Variants in TMEM117 observed in about 807,000 individuals in gnomAD.
The protein encoded by TMEM117 is transmembrane protein 117.
In TMEM117, 27 loss-of-function variants were observed where a neutral mutation model predicts 52.4. That is an observed-to-expected ratio of 0.51 (90% CI 0.38 to 0.71). The LOEUF (loss-of-function observed/expected upper bound fraction) is 0.71. Among genes scored for constraint, TMEM117 ranks in the 30% least tolerant of loss-of-function variants. The pLI, the probability that TMEM117 is intolerant of heterozygous loss-of-function variation, is 0.00. For synonymous variants in TMEM117, 215 were observed against 206.3 expected (o/e 1.04, Z -0.36); for missense variants, 556 against 630.5 (o/e 0.88, Z 1.26).
At chr12:44,189,489 T>G (rs1176609432) in intron 4 of TMEM117, among the ~76,000 whole-genome samples, 1 of 152,194 alleles carries the variant, frequency 6.6e-6, no homozygotes, top group South Asian at 2.1e-4. Context: ...GTATTTACCT[T>G]AGGCTCATGT....
chr12:44,393,935 A>G (rs1367985879), downstream of TMEM117, among the ~76,000 whole-genome samples: 1 of 152,118 alleles, frequency 6.6e-6, no homozygotes, highest in Non-Finnish European at 1.5e-5. Context: ...TTCTTTTGTC[A>G]TTTCACTTTC....
intron 6 of TMEM117, among the ~76,000 whole-genome samples, chr12:44,315,869 T>A (rs992435968): frequency 6.6e-6 from 1 of 152,188 alleles, no homozygotes; most frequent in African/African-American, 2.4e-5. Context: ...GATATAAAAA[T>A]AGCAATGATA....
intron 3 of TMEM117, among the ~76,000 whole-genome samples, chr12:44,007,233 A>G (rs1416348574): frequency 1.3e-5 from 2 of 152,192 alleles, no homozygotes; most frequent in East Asian, 3.8e-4. Context: ...ACAGATTGTC[A>G]GATTAAGAAT....
intron 6 of TMEM117, among the ~76,000 whole-genome samples, chr12:44,366,739 A>G (rs1951794897): frequency 6.6e-6 from 1 of 152,134 alleles, no homozygotes; most frequent in Non-Finnish European, 1.5e-5. Context: ...AGTCTTTACT[A>G]AAAAAGATGA....
chr12:43,869,294 G>T lies in TMEM117; in HGVS notation c.277+24366G>T, dbSNP rs144013051. ...TGCCATCCTTCTCTTAAGCAAAAGGGAGAGTCAAGGCTTCACTTATTTATT... is the reference window on the plus strand; with the variant it reads ...TGCCATCCTTCTCTTAAGCAAAAGGTAGAGTCAAGGCTTCACTTATTTATT... On this transcript the variant is annotated intron_variant, in intron 2 of 7. Transcript: ENST00000266534. Among the ~76,000 whole-genome samples, 155 of 152,236 alleles carry T rather than the reference G, an allele frequency of 1.0e-3. 1 individual carries two copies. The highest frequency in any genetic ancestry group is 2.7e-3 in the African/African-American group (112 of 41,556).
intron 2 of TMEM117, among the ~76,000 whole-genome samples, chr12:43,884,133 CAA>C (rs758603064): frequency 2.2e-4 from 15 of 69,608 alleles, no homozygotes; most frequent in Admixed American, 3.3e-4. Flanking sequence ...GATACCATCT[CAA>C]AAAAAAAAAA....
At chr12:44,045,320 G>A (rs781569350) in intron 3 of TMEM117, among the ~76,000 whole-genome samples, 5 of 152,146 alleles carry the variant, frequency 3.3e-5, no homozygotes, top group African/African-American at 4.8e-5. Context: ...ACCATTCTTC[G>A]GGGTGATCAG....
At chr12:44,025,593 A>G (rs757212402) in intron 3 of TMEM117, among the ~76,000 whole-genome samples, 22 of 152,186 alleles carry the variant, frequency 1.4e-4, no homozygotes, top group Non-Finnish European at 2.6e-4. Flanking sequence ...GTTTAGGAAC[A>G]TGTAGTAATG....
At chr12:44,310,507 A>G (rs753228180) in intron 6 of TMEM117, among the ~76,000 whole-genome samples, 3 of 152,228 alleles carry the variant, frequency 2.0e-5, no homozygotes, top group Non-Finnish European at 4.4e-5. Context: ...GTGTGGTGGC[A>G]TATGCCTATA....
intron 2 of TMEM117, among the ~76,000 whole-genome samples, chr12:43,930,105 C>T (rs1204529143): frequency 6.6e-6 from 1 of 152,118 alleles, no homozygotes. Context: ...TTTGTCCTTA[C>T]TCCTATGATA....
At chr12:43,913,495 C>G (rs562042308) in intron 2 of TMEM117, among the ~76,000 whole-genome samples, 1 of 152,252 alleles carries the variant, frequency 6.6e-6, no homozygotes, top group East Asian at 1.9e-4. Context: ...AGGGAACTAA[C>G]AGAGAGGGAC....
chr12:44,040,066 T>C (rs959690942), intron 3 of TMEM117, among the ~76,000 whole-genome samples: 12 of 152,190 alleles, frequency 7.9e-5, no homozygotes, highest in Admixed American at 7.2e-4. Context: ...GTAGATTTGC[T>C]GATTTCCATG....
intron 3 of TMEM117, among the ~76,000 whole-genome samples, chr12:44,012,951 G>T (rs1308935285): frequency 6.6e-6 from 1 of 152,072 alleles, no homozygotes; most frequent in Non-Finnish European, 1.5e-5. Context: ...CAGTGGTAGG[G>T]TGTGGGGGGA....
At chr12:44,110,246 T>C (rs1948035370) in intron 3 of TMEM117, among the ~76,000 whole-genome samples, 2 of 150,194 alleles carry the variant, frequency 1.3e-5, no homozygotes, top group Admixed American at 1.3e-4. Context: ...AACACTATGT[T>C]GAATAGGAGC....
intron 2 of TMEM117, among the ~76,000 whole-genome samples, chr12:43,884,902 A>G (rs757053609): frequency 6.6e-6 from 1 of 152,128 alleles, no homozygotes; most frequent in African/African-American, 2.4e-5. Flanking sequence ...CACAAGCACC[A>G]TCCTATAAAA....
chr12:43,881,749 A>G (rs905523556), intron 2 of TMEM117, among the ~76,000 whole-genome samples: 2 of 118,314 alleles, frequency 1.7e-5, no homozygotes, highest in African/African-American at 6.3e-5. Context: ...AGATGGCCCC[A>G]TTGCACTCCA....
chr12:44,385,281 A>G (rs1952073564), intron 7 of TMEM117, among the ~76,000 whole-genome samples: 1 of 152,212 alleles, frequency 6.6e-6, no homozygotes, highest in Non-Finnish European at 1.5e-5. Context: ...TCTCCACCCC[A>G]TCTAAATGTT....
Position 44,388,303 on chromosome 12 carries a change from C to G in TMEM117, c.1176C>G (p.Val392=), listed in dbSNP as rs1242416234. The change falls in exon 8 of 8, where the codon GTC becomes GTG. Residue 392 remains valine (V), a synonymous_variant. Coordinates refer to ENST00000266534, the MANE Select transcript of TMEM117 (RefSeq NM_032256.3). ...GGTTCATAGGAGCCAGTCTTGATGTCAAGTGTCTGGCCTTTGTTCCAAGCC... is the reference window on the plus strand; with the variant it reads ...GGTTCATAGGAGCCAGTCTTGATGTGAAGTGTCTGGCCTTTGTTCCAAGCC... ...HSRFIGASLD[V]KCLAFVPSLI... 3.1e-6 allele frequency: 5 copies of G among 1,613,550 alleles called. No individual in the cohort carries two copies. In the South Asian group the frequency reaches 4.4e-5, roughly 14 times the overall value.
chr12:44,175,116 A>G (rs1031240984), intron 4 of TMEM117, among the ~76,000 whole-genome samples: 3 of 152,218 alleles, frequency 2.0e-5, no homozygotes, highest in African/African-American at 4.8e-5. Flanking sequence ...ATAAGAAACT[A>G]TTGAAGCAGA....
Sources: gnomAD v4.1 joint callset for allele counts (sites outside exome capture counted in the v4.1 genomes callset) on GRCh38, gnomAD v4.1.1 for gene constraint, MANE v1.5 for transcripts, NCBI Gene and HGNC (gene_info 2026-07-23, HGNC 2026-07-21) for gene names.